Variants in SPATA33 observed in about 807,000 individuals in gnomAD.
SPATA33 encodes the protein spermatogenesis-associated protein 33.
Under a neutral mutation model 8.9 loss-of-function variants are expected in SPATA33, and 10 were observed. That is an observed-to-expected ratio of 1.12 (90% CI 0.69 to 1.90). SPATA33 has a LOEUF of 1.90. Among genes scored for constraint, SPATA33 ranks in the 40% most tolerant of loss-of-function variants. SPATA33 has a pLI of 0.00. For synonymous variants in SPATA33, 96 were observed against 72.8 expected (o/e 1.32, Z -1.63); for missense variants, 241 against 178.3 (o/e 1.35, Z -2.00).
In SPATA33 at chr16:89,663,107, A is replaced by C. The variant is rs191722176; in HGVS notation, c.211+4686A>C. On this transcript the variant is annotated intron_variant, in intron 2 of 2. Transcript: ENST00000579310. Reference sequence around the variant, plus strand: ...ACGCCCGGCCTGTAACATTTTCATGAAGGTAGAGTATACTTAATTGCAAGA... The same window carrying C: ...ACGCCCGGCCTGTAACATTTTCATGCAGGTAGAGTATACTTAATTGCAAGA... Among the ~76,000 whole-genome samples the C allele has an allele frequency of 5.9e-5, 9 of 151,610 alleles. No homozygotes were observed. In the East Asian group the frequency reaches 1.8e-3, roughly 30 times the overall value.
chr16:89,669,306 A>C lies in SPATA33; in HGVS notation c.232A>C (p.Lys78Gln). 1 of 1,614,202 alleles carries C rather than the reference A, an allele frequency of 6.2e-7. No homozygotes were observed. Among genetic ancestry groups the C allele is most frequent in the South Asian group, 1.1e-5 (1 of 91,078 alleles). The change falls in exon 3 of 3, where the codon AAG becomes CAG. Residue 78 changes from lysine (K) to glutamine (Q), a missense_variant. Coordinates refer to ENST00000579310, the MANE Select transcript of SPATA33 (RefSeq NM_001271907.2). ...TCTAGAGAAACCTGATGTAAAGCAA[A>C]AGTCCAGCAGGAAGAAAGTGGTCGT... ...SLEEKPDVKQKSSRKKVVVPQ... is the reference protein window; with the variant it reads ...SLEEKPDVKQQSSRKKVVVPQ...
chr16:89,668,616 G>C (rs956859787), intron 2 of SPATA33, among the ~76,000 whole-genome samples: 3 of 151,246 alleles, frequency 2.0e-5, no homozygotes, highest in Non-Finnish European at 4.4e-5. Flanking sequence ...TGGCACTCCA[G>C]GAAGGGGGCG....
rs1172951597 is a variant in SPATA33, at chr16:89,657,941, CA to C, written c.31del (p.Arg11GlyfsTer21). The C allele has an allele frequency of 1.3e-5, 20 of 1,517,104 alleles. No homozygotes were observed. The highest frequency in any genetic ancestry group is 1.7e-5 in the Non-Finnish European group (19 of 1,139,738). The allele number at this position is 1,517,104 out of a possible 1,614,324, so 94.0% of individuals were successfully genotyped here. A position where few individuals can be genotyped will look rare whatever the true frequency, so the allele number is the denominator to read the frequency against. Reference sequence around the variant, plus strand: ...GCCTTTCCAAAAGCAAAGAGAAACCCAGGAAAGGTAAAGGAGGCGCAGGCGC... The same window carrying C: ...GCCTTTCCAAAAGCAAAGAGAAACCCGGAAAGGTAAAGGAGGCGCAGGCGC... The part of the protein sequence containing the change: MGLSKSKEKP[R>X]KGEEQKKGST... On this transcript the variant is annotated frameshift_variant, in exon 1 of 3. Transcript: ENST00000579310. LOFTEE classifies it high-confidence loss of function.
intron 2 of SPATA33, 130 bp from the exon 3 acceptor site, chr16:89,669,156 T>A: frequency 3.8e-6 from 3 of 798,428 alleles, no homozygotes; most frequent in Non-Finnish European, 6.3e-6. Flanking sequence ...TTGATCACTT[T>A]TGGACTCACC....
chr16:89,663,166 T>C (rs258330), intron 2 of SPATA33, among the ~76,000 whole-genome samples: 1 of 151,704 alleles, frequency 6.6e-6, no homozygotes, highest in Non-Finnish European at 1.5e-5. Flanking sequence ...GGAACACTTC[T>C]ATTGGCTATT....
Position 89,669,905 on chromosome 16 carries a change from T to C in SPATA33, c.*408T>C. On this transcript the variant is annotated 3_prime_UTR_variant, in exon 3 of 3. Coordinates refer to ENST00000579310, the MANE Select transcript of SPATA33 (RefSeq NM_001271907.2). ...CCTGTGAGAAGCCACCGCCCCCTTC[T>C]CCAGTGCTCTCGGGGAGGGTGCACC... The C allele has an allele frequency of 5.1e-6, 1 of 197,116 alleles. No individual in the cohort carries two copies. Among genetic ancestry groups the C allele is most frequent in the South Asian group, 7.7e-5 (1 of 12,906 alleles). 12.2% of individuals were successfully genotyped at this position (197,116 alleles called of 1,614,324 possible). A position where few individuals can be genotyped will look rare whatever the true frequency, so the allele number is the denominator to read the frequency against.
chr16:89,658,713 G>C, intron 2 of SPATA33: 1 of 448,888 alleles, frequency 2.2e-6, no homozygotes, highest in Non-Finnish European at 4.1e-6. Context: ...CTCCTCGAGG[G>C]CTGGGTATCT....
intron 2 of SPATA33, chr16:89,660,272 A>T: frequency 5.3e-6 from 2 of 379,960 alleles, no homozygotes; most frequent in Non-Finnish European, 9.3e-6. Context: ...AACCTTTCCC[A>T]GGAAGGCTTC....
intron 2 of SPATA33, 69 bp from the exon 3 acceptor site, chr16:89,669,217 A>T: frequency 7.1e-7 from 1 of 1,408,254 alleles, no homozygotes; most frequent in South Asian, 1.2e-5. Flanking sequence ...GACCAATGGC[A>T]GGAGGTGTGT....
intron 2 of SPATA33, chr16:89,661,423 C>T (rs1220186678): frequency 6.2e-6 from 1 of 160,488 alleles, no homozygotes; most frequent in Non-Finnish European, 1.3e-5. Context: ...ATGTGACTCG[C>T]TCCTCCCTAC....
intron 2 of SPATA33, chr16:89,659,292 G>A (rs1468659787): frequency 6.6e-6 from 1 of 152,274 alleles, no homozygotes; most frequent in Non-Finnish European, 1.5e-5. Flanking sequence ...AATTGCAGAA[G>A]GGTCAGGCAG....
chr16:89,667,346 G>A (rs910387410), intron 2 of SPATA33, among the ~76,000 whole-genome samples: 4 of 152,164 alleles, frequency 2.6e-5, no homozygotes, highest in African/African-American at 4.8e-5. Context: ...ATTGTAGAGC[G>A]AGGATTATTA....
chr16:89,661,875 G>A (rs115003518), intron 2 of SPATA33, among the ~76,000 whole-genome samples: 1 of 152,208 alleles, frequency 6.6e-6, no homozygotes, highest in African/African-American at 2.4e-5. Context: ...GGGTATTTGA[G>A]GATGAGTCCG....
At chr16:89,666,469 C>T (rs777573433) in intron 2 of SPATA33, among the ~76,000 whole-genome samples, 2 of 152,132 alleles carry the variant, frequency 1.3e-5, no homozygotes, top group Admixed American at 6.5e-5. Flanking sequence ...TCGAGACCAG[C>T]CTGGGCAACA....
At position 89,669,485 on chromosome 16, in the gene SPATA33, T is replaced by C. The variant is rs144990515; in HGVS notation, c.411T>C (p.His137=). The C allele has an allele frequency of 1.2e-3, 1,865 of 1,612,514 alleles. 20 individuals carry two copies. Among genetic ancestry groups the C allele is most frequent in the Non-Finnish European group, 3.2e-4 (373 of 1,179,970 alleles). ...NPSTADAYNS[H]LKE ...GTACAGCAGACGCCTATAATTCACA[T>C]CTCAAAGAATAAACAAGCACCTTTG... Residue 137 remains histidine, a synonymous_variant, in exon 3 of 3, where the codon CAT becomes CAC. Coordinates refer to ENST00000579310, the MANE Select transcript of SPATA33 (RefSeq NM_001271907.2).
chr16:89,663,241 CTTTT>C (rs35836835), intron 2 of SPATA33, among the ~76,000 whole-genome samples: 1 of 138,172 alleles, frequency 7.2e-6, no homozygotes. Context: ...GATTCCATTT[CTTTT>C]TTTTTTTTTT....
chr16:89,660,320 A>C (rs571817253), intron 2 of SPATA33: 1 of 480,204 alleles, frequency 2.1e-6, no homozygotes, highest in Non-Finnish European at 3.3e-6. Context: ...CAATGGTGCA[A>C]ATTCACCAGG....
At chr16:89,666,962 C>T (rs747059273) in intron 2 of SPATA33, among the ~76,000 whole-genome samples, 16 of 152,282 alleles carry the variant, frequency 1.1e-4, no homozygotes, top group Admixed American at 5.2e-4. Flanking sequence ...GGACTAGGAG[C>T]GTGACCACTG....
In SPATA33 at chr16:89,661,934, C is replaced by T. The variant is rs187251790; in HGVS notation, c.211+3513C>T. Among the ~76,000 whole-genome samples the T allele has an allele frequency of 8.9e-4, 135 of 152,252 alleles. 1 individual carries two copies. The highest frequency in any genetic ancestry group is 3.2e-3 in the African/African-American group (132 of 41,548). ...ATGCTATTATAGTTACGCTAAAACA[C>T]AATCCCTATCTAATAAATACACTGC... On this transcript the variant is annotated intron_variant, in intron 2 of 2. Coordinates refer to ENST00000579310, the MANE Select transcript of SPATA33 (RefSeq NM_001271907.2).
Sources: allele counts gnomAD v4.1 joint callset (sites outside exome capture counted in the v4.1 genomes callset), GRCh38; gene constraint gnomAD v4.1.1; transcripts MANE v1.5; gene names NCBI Gene and HGNC (gene_info 2026-07-23, HGNC 2026-07-21).